ARHGEF3: variants seen among roughly 807,000 people sequenced by gnomAD.
The protein encoded by ARHGEF3 is 59.8 kDA protein.
Under a neutral mutation model 63.2 loss-of-function variants are expected in ARHGEF3, and 28 were observed. That is an observed-to-expected ratio of 0.44 (90% CI 0.33 to 0.61). ARHGEF3 has a LOEUF of 0.61. Ranked by LOEUF, ARHGEF3 falls within the 20% of genes least tolerant of loss-of-function variation. The probability of loss-of-function intolerance (pLI) is 0.03; values close to 1 mark genes in which losing one functional copy is unlikely to be tolerated. For missense variants in ARHGEF3, 533 were observed against 659.3 expected (o/e 0.81, Z 2.10); for synonymous variants, 266 against 254.2 (o/e 1.05, Z -0.44).
intron 4 of ARHGEF3, among the ~76,000 whole-genome samples, chr3:56,879,475 G>T (rs1446806778): frequency 6.6e-6 from 1 of 152,152 alleles, no homozygotes; most frequent in Non-Finnish European, 1.5e-5. Flanking sequence ...GGGACTCAAT[G>T]AAAACTTGAA....
intron 4 of ARHGEF3, among the ~76,000 whole-genome samples, chr3:56,874,135 A>G (rs753646550): frequency 3.3e-5 from 5 of 152,240 alleles, no homozygotes; most frequent in African/African-American, 4.8e-5. Context: ...TAAATTTGCC[A>G]TCAGAGGCGG....
intron 2 of ARHGEF3, among the ~76,000 whole-genome samples, chr3:56,763,569 G>C (rs1187436216): frequency 6.6e-6 from 1 of 152,148 alleles, no homozygotes; most frequent in East Asian, 1.9e-4. Context: ...TTCTTTTTGA[G>C]AAAAGCTTAA....
In ARHGEF3 at chr3:57,073,977, G is replaced by A. The variant is rs140828073; in HGVS notation, c.-28+5249C>T. ...ACAAGCAGCCATCTCTCTTGACATCGCTGTATCCCAAATAAATCTTCTGGG... is the reference window on the plus strand; with the variant it reads ...ACAAGCAGCCATCTCTCTTGACATCACTGTATCCCAAATAAATCTTCTGGG... On this transcript the variant is annotated intron_variant, in intron 1 of 12. Coordinates refer to the ARHGEF3 transcript ENST00000338458. 92 of 1,614,178 alleles carry A rather than the reference G, an allele frequency of 5.7e-5. No individual in the cohort carries two copies. Among genetic ancestry groups the A allele is most frequent in the East Asian group, 2.9e-4 (13 of 44,882 alleles).
At chr3:57,017,024 TCTCTCTCTCACA>T (rs1457090639) in intron 2 of ARHGEF3, among the ~76,000 whole-genome samples, 28 of 111,374 alleles carry the variant, frequency 2.5e-4, no homozygotes, top group East Asian at 1.3e-3. Context: ...TCTCTCTCTC[TCTCTCTCTCACA>T]CACACACACA....
chr3:56,794,766 A>C (rs1313620101), intron 1 of ARHGEF3, among the ~76,000 whole-genome samples: 2 of 152,188 alleles, frequency 1.3e-5, no homozygotes, highest in Admixed American at 1.3e-4. Flanking sequence ...TATCCAATAC[A>C]ATGTAAGTGA....
chr3:56,806,910 A>T (rs1296505631), upstream of ARHGEF3, among the ~76,000 whole-genome samples: 1 of 151,300 alleles, frequency 6.6e-6, no homozygotes, highest in African/African-American at 2.4e-5. Flanking sequence ...TTTGAGACAC[A>T]GTCTTGCTCT....
rs1176515061 is a variant in ARHGEF3 at position 56,968,137 on chromosome 3, ATATATAATATATATAAAAATATATAT to A, written c.63-9274_63-9249del. Among the ~76,000 whole-genome samples the A allele has an allele frequency of 1.4e-3, 53 of 37,564 alleles. 2 individuals carry two copies. The highest frequency in any genetic ancestry group is 3.5e-3 in the Admixed American group (6 of 1,710). 24.6% of individuals were successfully genotyped at this position (37,564 alleles called of 152,430 possible). A position where few individuals can be genotyped will look rare whatever the true frequency, so the allele number is the denominator to read the frequency against. On this transcript the variant is annotated intron_variant, in intron 2 of 12. Transcript: ENST00000338458. ...TAATATATATAAAACATATATTTTT[ATATATAATATATATAAAAATATATAT>A]TATATAATATATATAAAAATATATA...
At chr3:57,036,021 C>T (rs1182264547) in intron 1 of ARHGEF3, among the ~76,000 whole-genome samples, 1 of 152,188 alleles carries the variant, frequency 6.6e-6, no homozygotes, top group Admixed American at 6.5e-5. Context: ...TGGGGCCCTT[C>T]TGCAGGTGGG....
intron 1 of ARHGEF3, among the ~76,000 whole-genome samples, chr3:57,050,209 G>T (rs2107299378): frequency 6.6e-6 from 1 of 152,304 alleles, no homozygotes; most frequent in East Asian, 1.9e-4. Flanking sequence ...GAAAATACAA[G>T]CCCAATCGGC....
At position 57,073,861 on chromosome 3, in the gene ARHGEF3, G is replaced by T. The variant is rs1449020232; in HGVS notation, c.-28+5365C>A. 1 of 1,614,220 alleles carries T rather than the reference G, an allele frequency of 6.2e-7. No homozygotes were observed. The highest frequency in any genetic ancestry group is 2.2e-5 in the East Asian group (1 of 44,882). On this transcript the variant is annotated intron_variant, in intron 1 of 12. Coordinates refer to the ARHGEF3 transcript ENST00000338458. ...CACTGTGCACTGGCATCATGCCAGG[G>T]TCCAGGTGTCCTGCCAGGAGCAGCC...
intron 1 of ARHGEF3, 26 bp downstream of exon 1, chr3:56,801,677 G>A (rs1251085691): frequency 1.3e-6 from 2 of 1,551,884 alleles, no homozygotes; most frequent in East Asian, 4.9e-5. Context: ...GACCCATAGA[G>A]GTCCAGGTGC....
At chr3:56,754,787 A>T (rs2034969423) in intron 3 of ARHGEF3, among the ~76,000 whole-genome samples, 194 bp downstream of exon 3, 1 of 152,160 alleles carries the variant, frequency 6.6e-6, no homozygotes, top group South Asian at 2.1e-4. Context: ...GTTTCTTTTT[A>T]AAGTGGGGGC....
chr3:56,867,322 T>C (rs1220464119), intron 4 of ARHGEF3, among the ~76,000 whole-genome samples: 2 of 152,006 alleles, frequency 1.3e-5, no homozygotes, highest in African/African-American at 4.8e-5. Context: ...AACAACAAAA[T>C]AAAAATTATA....
intron 3 of ARHGEF3, among the ~76,000 whole-genome samples, chr3:56,923,075 T>TAA (rs1359975328): frequency 1.7e-4 from 22 of 127,730 alleles, no homozygotes; most frequent in African/African-American, 4.1e-4. Context: ...TATATATATA[T>TAA]AAATTAGTTG....
intron 1 of ARHGEF3, among the ~76,000 whole-genome samples, chr3:57,062,336 G>C (rs1705267667): frequency 6.6e-6 from 1 of 152,194 alleles, no homozygotes; most frequent in African/African-American, 2.4e-5. Flanking sequence ...AGCCTGGCAA[G>C]GGTGGCTTGT....
intron 4 of ARHGEF3, among the ~76,000 whole-genome samples, chr3:56,845,130 A>C (rs2039444213): frequency 6.6e-6 from 1 of 152,166 alleles, no homozygotes. Flanking sequence ...CAACCACAAG[A>C]AGCTGAATGC....
chr3:56,780,112 C>T (rs1284722374), intron 1 of ARHGEF3, among the ~76,000 whole-genome samples: 1 of 152,174 alleles, frequency 6.6e-6, no homozygotes, highest in Non-Finnish European at 1.5e-5. Flanking sequence ...AAAATGTGGA[C>T]CATGTACTGG....
intron 1 of ARHGEF3, among the ~76,000 whole-genome samples, chr3:56,800,975 T>G (rs1475428847): frequency 6.6e-6 from 1 of 152,242 alleles, no homozygotes; most frequent in Non-Finnish European, 1.5e-5. Flanking sequence ...AAAGGCAGAC[T>G]AAACATAACC....
At chr3:56,911,047 T>C (rs2041840760) in intron 3 of ARHGEF3, among the ~76,000 whole-genome samples, 1 of 152,112 alleles carries the variant, frequency 6.6e-6, no homozygotes, top group Non-Finnish European at 1.5e-5. Flanking sequence ...CTGGTTCTGC[T>C]TGGAGAACCT....
Sources: gnomAD v4.1 joint callset for allele counts (sites outside exome capture counted in the v4.1 genomes callset) on GRCh38, gnomAD v4.1.1 for gene constraint, MANE v1.5 for transcripts, NCBI Gene and HGNC (gene_info 2026-07-23, HGNC 2026-07-21) for gene names.